The following CCDC102B variants were observed in gnomAD, a reference collection of about 807,000 sequenced individuals.
CCDC102B encodes the protein coiled-coil domain-containing protein 102B.
CCDC102B carries 75 observed loss-of-function variants against 57.4 expected under a neutral mutation model. That is an observed-to-expected ratio of 1.31 (90% confidence interval 1.08 to 1.58). CCDC102B has a LOEUF of 1.58. Ranked by LOEUF, CCDC102B falls within the 40% of genes most tolerant of loss-of-function variation. The probability of loss-of-function intolerance (pLI) is 0.00; values close to 1 mark genes in which losing one functional copy is unlikely to be tolerated. For missense variants in CCDC102B, 636 were observed against 582.6 expected, an observed-to-expected ratio of 1.09 and a Z score of -0.94; for synonymous variants, 206 against 201.9, an observed-to-expected ratio of 1.02 and a Z score of -0.17.
intron 2 of CCDC102B, among the ~76,000 whole-genome samples, chr18:68,788,316 G>T (rs1221729224): frequency 6.6e-6 from 1 of 151,186 alleles, no homozygotes; most frequent in Non-Finnish European, 1.5e-5. Context: ...TTGATTTGGG[G>T]TGGAGAGTTC....
chr18:68,941,525 T>A (rs1381256499), intron 6 of CCDC102B, among the ~76,000 whole-genome samples: 2 of 152,138 alleles, frequency 1.3e-5, no homozygotes, highest in African/African-American at 2.4e-5. Context: ...TGCTATTTGT[T>A]TCTTGTGTTG....
intron 1 of CCDC102B, among the ~76,000 whole-genome samples, chr18:68,807,083 A>G (rs2036060390): frequency 6.6e-6 from 1 of 152,136 alleles, no homozygotes; most frequent in Admixed American, 6.6e-5. Flanking sequence ...CTTATCAAGG[A>G]AGAGAATTTA....
intron 2 of CCDC102B, among the ~76,000 whole-genome samples, chr18:68,789,967 A>G (rs892988895): frequency 6.6e-6 from 1 of 150,734 alleles, no homozygotes; most frequent in African/African-American, 2.5e-5. Context: ...GGTTTTATCT[A>G]CTTTTGGTCT....
At chr18:68,771,389 A>C (rs1799042307) in intron 2 of CCDC102B, among the ~76,000 whole-genome samples, 1 of 152,174 alleles carries the variant, frequency 6.6e-6, no homozygotes, top group African/African-American at 2.4e-5. Flanking sequence ...TATCACTTCT[A>C]AACATGTAAA....
chr18:68,721,902 A>G (rs1363674197), intron 2 of CCDC102B, among the ~76,000 whole-genome samples: 1 of 152,192 alleles, frequency 6.6e-6, no homozygotes, highest in Non-Finnish European at 1.5e-5. Context: ...AAGAAACCTC[A>G]ACCATAGGAA....
chr18:68,897,714 C>A, intron 6 of CCDC102B: 2 of 1,058,346 alleles, frequency 1.9e-6, no homozygotes, highest in Non-Finnish European at 2.6e-6. Context: ...TTTTTTGTTT[C>A]TTATTAAAGC....
At chr18:68,795,138 T>C (rs926856180), upstream of CCDC102B, among the ~76,000 whole-genome samples, 2 of 151,904 alleles carry the variant, frequency 1.3e-5, no homozygotes, top group East Asian at 1.9e-4. Context: ...GTTATTAAAT[T>C]TGAATGGTGA....
intron 6 of CCDC102B, among the ~76,000 whole-genome samples, chr18:68,933,651 T>A (rs1005152409): frequency 6.6e-6 from 1 of 151,932 alleles, no homozygotes; most frequent in Non-Finnish European, 1.5e-5. Flanking sequence ...GAATACAGTG[T>A]CAGCTTAAAT....
chr18:68,811,379 G>A (rs530858089), intron 1 of CCDC102B, among the ~76,000 whole-genome samples: 57 of 152,224 alleles, frequency 3.7e-4, no homozygotes, highest in African/African-American at 1.2e-3. Context: ...TCAGCACTTC[G>A]TGAGGTGGGC....
At chr18:68,942,496 G>A (rs2049406531) in intron 6 of CCDC102B, among the ~76,000 whole-genome samples, 1 of 151,934 alleles carries the variant, frequency 6.6e-6, no homozygotes, top group African/African-American at 2.4e-5. Flanking sequence ...AGGACAATAG[G>A]GTAGTAATGG....
chr18:68,716,844 C>T (rs554400143), intron 2 of CCDC102B, among the ~76,000 whole-genome samples: 24 of 151,716 alleles, frequency 1.6e-4, no homozygotes, highest in Non-Finnish European at 3.2e-4. Flanking sequence ...TTTGGGAGGC[C>T]GAGGCAGGTG....
At position 68,874,707 on chromosome 18, in the gene CCDC102B, A is replaced by G; in HGVS notation, c.975A>G (p.Gln325=). Residue 325 remains glutamine, a synonymous_variant, in exon 5 of 8, where the codon CAA becomes CAG. Coordinates refer to ENST00000360242, the MANE Select transcript of CCDC102B (RefSeq NM_024781.3). ...TTGGTCAACATAATGATGAAATGCA[A>G]GAACTGTCAGGCAATATAAAGGAAG... ...ILLGQHNDEM[Q]ELSGNIKEES... 1 of 1,612,058 alleles carries G rather than the reference A, an allele frequency of 6.2e-7. No individual in the cohort carries two copies. The highest frequency in any genetic ancestry group is 8.5e-7 in the Non-Finnish European group (1 of 1,178,558).
intron 7 of CCDC102B, among the ~76,000 whole-genome samples, chr18:69,041,570 A>G (rs17080131): frequency 0.03 from 4,514 of 152,132 alleles, 147 homozygotes; most frequent in East Asian, 0.16. Context: ...TTCAACTTTG[A>G]ACAAAACCCT....
intron 4 of CCDC102B, among the ~76,000 whole-genome samples, chr18:68,854,733 C>T (rs907015770): frequency 4.6e-5 from 7 of 152,074 alleles, no homozygotes; most frequent in Non-Finnish European, 8.8e-5. Context: ...CGGGATCTGA[C>T]TCTTAGTAAG....
intron 4 of CCDC102B, among the ~76,000 whole-genome samples, chr18:68,870,985 T>A (rs2039218396): frequency 6.6e-6 from 1 of 152,212 alleles, no homozygotes; most frequent in Non-Finnish European, 1.5e-5. Flanking sequence ...TCGTCTTCAG[T>A]TTTTTCCATT....
intron 6 of CCDC102B, among the ~76,000 whole-genome samples, chr18:68,947,915 G>A (rs964731458): frequency 7.2e-5 from 11 of 152,032 alleles, no homozygotes; most frequent in South Asian, 2.1e-4. Context: ...TGACAAAAGT[G>A]GGAAATGAAA....
chr18:68,995,599 TC>T (rs2051003706), intron 6 of CCDC102B, among the ~76,000 whole-genome samples: 1 of 151,932 alleles, frequency 6.6e-6, no homozygotes, highest in Non-Finnish European at 1.5e-5. Flanking sequence ...TGCACAGAAG[TC>T]AAGAATTGAG....
At chr18:69,042,176 C>T (rs1394974232) in intron 7 of CCDC102B, among the ~76,000 whole-genome samples, 1 of 151,808 alleles carries the variant, frequency 6.6e-6, no homozygotes, top group Non-Finnish European at 1.5e-5. Flanking sequence ...TCAAAAATCA[C>T]GTAATAAGGA....
At chr18:68,976,633 A>G (rs1016691729) in intron 6 of CCDC102B, among the ~76,000 whole-genome samples, 2 of 152,034 alleles carry the variant, frequency 1.3e-5, no homozygotes, top group Non-Finnish European at 2.9e-5. Context: ...CAATGGACAA[A>G]TAACTTATAC....
Sources: gnomAD v4.1 joint callset for allele counts (sites outside exome capture counted in the v4.1 genomes callset) on GRCh38, gnomAD v4.1.1 for gene constraint, MANE v1.5 for transcripts, NCBI Gene and HGNC (gene_info 2026-07-23, HGNC 2026-07-21) for gene names.